FOXP1: variants seen among roughly 807,000 people sequenced by gnomAD.
FOXP1 encodes the protein forkhead box P1, also known as forkhead box protein P1.
In FOXP1, 15 loss-of-function variants were observed where a neutral mutation model predicts 98.2. That is an observed-to-expected ratio of 0.15 (90% CI 0.10 to 0.24). The LOEUF (loss-of-function observed/expected upper bound fraction) is 0.24, where lower values mean the gene tolerates loss of function less well. Ranked by LOEUF, FOXP1 falls within the 10% of genes least tolerant of loss-of-function variation. FOXP1 has a pLI of 1.00. For synonymous variants in FOXP1, 371 were observed against 314.5 expected, an observed-to-expected ratio of 1.18 and a Z score of -1.90; for missense variants, 633 against 848.5, an observed-to-expected ratio of 0.75 and a Z score of 3.15.
chr3:71,154,000 A>G (rs2060701454), intron 6 of FOXP1, among the ~76,000 whole-genome samples: 1 of 152,100 alleles, frequency 6.6e-6, no homozygotes, highest in African/African-American at 2.4e-5. Context: ...CAAAGCAAAC[A>G]TTTATTGTGG....
intron 7 of FOXP1, among the ~76,000 whole-genome samples, chr3:71,094,874 A>G (rs1459853938): frequency 6.6e-6 from 1 of 152,228 alleles, no homozygotes; most frequent in East Asian, 1.9e-4. Flanking sequence ...ATGAAGCCTC[A>G]GCTGGTCTCA....
intron 3 of FOXP1, among the ~76,000 whole-genome samples, chr3:71,380,386 G>A (rs558881067): frequency 3.3e-5 from 5 of 152,318 alleles, no homozygotes; most frequent in African/African-American, 9.6e-5. Flanking sequence ...AACAACCAAC[G>A]TTGTGTAAGT....
intron 12 of FOXP1, among the ~76,000 whole-genome samples, chr3:71,014,563 C>T (rs560466605): frequency 5.3e-5 from 8 of 152,294 alleles, no homozygotes; most frequent in African/African-American, 1.7e-4. Flanking sequence ...ACTAGTACAA[C>T]CATTGTGGAA....
intron 9 of FOXP1, among the ~76,000 whole-genome samples, chr3:71,048,138 C>CA (rs148472658): frequency 0.029 from 4,182 of 144,264 alleles, 187 homozygotes; most frequent in African/African-American, 0.099. Context: ...CAAACTGTAG[C>CA]AAAAAAAAAA....
Position 71,549,503 on chromosome 3 carries a change from C to T in FOXP1, c.-298+32046G>A, listed in dbSNP as rs142583610. On this transcript the variant is annotated intron_variant, in intron 2 of 20. Transcript: ENST00000649528. Reference sequence around the variant, plus strand: ...GATTCTCCTGCCTCAGCCTCCCAGGCAGCTGGGATCACAGGCATACACCAT... The same window carrying T: ...GATTCTCCTGCCTCAGCCTCCCAGGTAGCTGGGATCACAGGCATACACCAT... Among the ~76,000 whole-genome samples, 219 of 152,278 alleles carry T rather than the reference C, an allele frequency of 1.4e-3. 1 individual carries two copies. The highest frequency in any genetic ancestry group is 2.4e-3 in the Non-Finnish European group (165 of 68,026).
intron 3 of FOXP1, among the ~76,000 whole-genome samples, chr3:71,395,824 G>C (rs1034725105): frequency 1.3e-5 from 2 of 150,842 alleles, no homozygotes; most frequent in African/African-American, 5.0e-5. Context: ...TTATAATGTA[G>C]AGTCCTTTGA....
intron 3 of FOXP1, among the ~76,000 whole-genome samples, chr3:71,476,015 G>A (rs1212430412): frequency 2.0e-5 from 3 of 151,732 alleles, no homozygotes; most frequent in Non-Finnish European, 4.4e-5. Context: ...ATTCTGGTAT[G>A]AAATGCACAA....
chr3:71,169,117 A>T (rs183748814), intron 6 of FOXP1, among the ~76,000 whole-genome samples: 2 of 152,204 alleles, frequency 1.3e-5, no homozygotes, highest in Non-Finnish European at 2.9e-5. Flanking sequence ...ATACCTGCTC[A>T]TAAACTGAGG....
chr3:71,563,100 T>C (rs2046657446), intron 2 of FOXP1, among the ~76,000 whole-genome samples: 1 of 151,882 alleles, frequency 6.6e-6, no homozygotes, highest in Non-Finnish European at 1.5e-5. Flanking sequence ...CAGAGGGGTG[T>C]GTGTATGTGT....
intron 20 of FOXP1, 140 bp downstream of exon 20, chr3:70,965,750 G>T: frequency 1.1e-6 from 1 of 883,498 alleles, no homozygotes; most frequent in Non-Finnish European, 1.9e-6. Context: ...ATTTCTTGAA[G>T]TACAAACTTC....
At chr3:71,472,221 C>T (rs2089427479) in intron 3 of FOXP1, among the ~76,000 whole-genome samples, 1 of 152,110 alleles carries the variant, frequency 6.6e-6, no homozygotes, top group Admixed American at 6.5e-5. Context: ...CTCAGGACCA[C>T]TCTCACCCTG....
Position 71,350,542 on chromosome 3 carries a change from G to C in FOXP1, c.-73+8608C>G, listed in dbSNP as rs2077709924. On this transcript the variant is annotated intron_variant, in intron 4 of 20. Coordinates refer to ENST00000649528, the MANE Select transcript of FOXP1 (RefSeq NM_001349338.3). ...ATGGTAGGTGGATGGTTGAAGAGAA[G>C]AATGAATAGAAGGAAGGCAGGAAAT... 2.6e-5 allele frequency among the ~76,000 whole-genome samples: 4 copies of C among 152,182 alleles called. No homozygotes were observed. The South Asian group carries it at 6.2e-4, about 24-fold the overall frequency.
At chr3:71,436,388 C>T (rs1418109036) in intron 3 of FOXP1, among the ~76,000 whole-genome samples, 1 of 152,118 alleles carries the variant, frequency 6.6e-6, no homozygotes, top group African/African-American at 2.4e-5. Context: ...AACAACTGTG[C>T]CGCCGAACTT....
chr3:71,345,015 G>T (rs2077238615), intron 4 of FOXP1, among the ~76,000 whole-genome samples: 1 of 152,100 alleles, frequency 6.6e-6, no homozygotes, highest in South Asian at 2.1e-4. Flanking sequence ...ATAAGCCTTG[G>T]TGTCCCAAGA....
intron 6 of FOXP1, among the ~76,000 whole-genome samples, chr3:71,120,803 T>C (rs1375469224): frequency 6.6e-6 from 1 of 152,210 alleles, no homozygotes; most frequent in Non-Finnish European, 1.5e-5. Context: ...CTACTTCCAA[T>C]GTTAGGTTTC....
intron 4 of FOXP1, among the ~76,000 whole-genome samples, chr3:71,318,993 T>C (rs995768925): frequency 1.2e-4 from 18 of 152,096 alleles, no homozygotes; most frequent in African/African-American, 4.1e-4. Flanking sequence ...ATAAACAGAA[T>C]AGAATTACAG....
intron 5 of FOXP1, among the ~76,000 whole-genome samples, chr3:71,262,542 C>T (rs1387654807): frequency 6.6e-6 from 1 of 151,774 alleles, no homozygotes; most frequent in Non-Finnish European, 1.5e-5. Flanking sequence ...AAAAAAAAGT[C>T]AGCAGATCAA....
intron 3 of FOXP1, among the ~76,000 whole-genome samples, chr3:71,483,335 T>G (rs2090423248): frequency 6.6e-6 from 1 of 152,166 alleles, no homozygotes; most frequent in Non-Finnish European, 1.5e-5. Context: ...AAATAAAAAC[T>G]GATGACATTA....
chr3:71,473,983 GTGTAA>G lies in FOXP1; in HGVS notation c.-168+19438_-168+19442del, dbSNP rs533830819. Reference sequence around the variant, plus strand: ...ACAGAGTAGGCACCTAATAATATCTGTGTAATGACTGGATGATCTATTACACCGTT... The same window carrying G: ...ACAGAGTAGGCACCTAATAATATCTGTGACTGGATGATCTATTACACCGTT... On this transcript the variant is annotated intron_variant, in intron 3 of 20. Coordinates refer to ENST00000649528, the MANE Select transcript of FOXP1 (RefSeq NM_001349338.3). Among the ~76,000 whole-genome samples, 746 of 152,286 alleles carry G rather than the reference GTGTAA, an allele frequency of 4.9e-3. 5 individuals are homozygous for G. Among genetic ancestry groups the G allele is most frequent in the African/African-American group, 0.017 (704 of 41,554 alleles).
Sources: gnomAD v4.1 joint callset for allele counts (sites outside exome capture counted in the v4.1 genomes callset) on GRCh38, gnomAD v4.1.1 for gene constraint, MANE v1.5 for transcripts, NCBI Gene and HGNC (gene_info 2026-07-23, HGNC 2026-07-21) for gene names.